The following ANKS1B variants were observed in gnomAD, a reference collection of about 807,000 sequenced individuals.
ANKS1B encodes the protein ankyrin repeat and sterile alpha motif domain containing 1B.
In ANKS1B, 36 loss-of-function variants were observed where a neutral mutation model predicts 148.3. The ratio of observed to expected loss-of-function variants is 0.24; its 90% CI spans 0.19 to 0.32. The LOEUF (loss-of-function observed/expected upper bound fraction) is 0.32, where lower values mean the gene tolerates loss of function less well. ANKS1B is among the 10% of genes least tolerant of loss of function. ANKS1B has a pLI of 1.00. For synonymous variants in ANKS1B, 542 were observed against 560.8 expected, an observed-to-expected ratio of 0.97 and a Z score of 0.47; for missense variants, 1,157 against 1,542.6, an observed-to-expected ratio of 0.75 and a Z score of 4.19.
chr12:99,975,770 TGTCA>T (rs1448141581), intron 1 of ANKS1B, among the ~76,000 whole-genome samples: 1 of 152,232 alleles, frequency 6.6e-6, no homozygotes, highest in Non-Finnish European at 1.5e-5. Context: ...GTAGGTTGTC[TGTCA>T]GTGTGGAAGG....
intron 8 of ANKS1B, among the ~76,000 whole-genome samples, chr12:99,764,028 G>A (rs2062415718): frequency 6.6e-6 from 1 of 152,106 alleles, no homozygotes; most frequent in African/African-American, 2.4e-5. Flanking sequence ...CACCCAACAG[G>A]GGAAGTTCTT....
chr12:99,333,876 A>C (rs1412055629), intron 12 of ANKS1B, among the ~76,000 whole-genome samples: 1 of 76,488 alleles, frequency 1.3e-5, no homozygotes, highest in African/African-American at 1.2e-4. Flanking sequence ...TTTTTTTTTT[A>C]ACAATGTGAG....
chr12:98,889,995 T>A (rs919157493), intron 17 of ANKS1B, among the ~76,000 whole-genome samples: 4 of 152,062 alleles, frequency 2.6e-5, no homozygotes, highest in Non-Finnish European at 2.9e-5. Context: ...ATATCTGAGA[T>A]AAGAGCAGCG....
At chr12:99,242,875 C>T (rs2089616455) in intron 14 of ANKS1B, among the ~76,000 whole-genome samples, 1 of 152,146 alleles carries the variant, frequency 6.6e-6, no homozygotes, top group African/African-American at 2.4e-5. Flanking sequence ...TTCCTCACAC[C>T]ATATACAAAA....
At chr12:98,915,363 T>A (rs1300365886) in intron 17 of ANKS1B, among the ~76,000 whole-genome samples, 4 of 151,392 alleles carry the variant, frequency 2.6e-5, no homozygotes, top group Non-Finnish European at 5.9e-5. Flanking sequence ...GAGACAGAAT[T>A]TTTTTTTAGA....
intron 26 of ANKS1B, among the ~76,000 whole-genome samples, chr12:98,749,635 C>A (rs1191068408): frequency 6.6e-6 from 1 of 151,984 alleles, no homozygotes; most frequent in Non-Finnish European, 1.5e-5. Flanking sequence ...GTGTGGGGAG[C>A]AGGTGGCATA....
chr12:99,661,094 AT>A (rs2098475370), intron 8 of ANKS1B, among the ~76,000 whole-genome samples: 1 of 152,270 alleles, frequency 6.6e-6, no homozygotes, highest in South Asian at 2.1e-4. Context: ...CCCGTTTAGT[AT>A]TAAACAGGTT....
intron 18 of ANKS1B, chr12:98,830,960 T>TTC (rs1295965194): frequency 4.3e-5 from 6 of 139,896 alleles, no homozygotes; most frequent in African/African-American, 1.3e-4. Context: ...TTTTTTTTTT[T>TTC]TTTTTGAGAT....
intron 15 of ANKS1B, among the ~76,000 whole-genome samples, chr12:99,150,176 C>A (rs2074451003): frequency 6.6e-6 from 1 of 152,104 alleles, no homozygotes; most frequent in Admixed American, 6.6e-5. Context: ...ACTGGAGGTC[C>A]ACCTACAACA....
chr12:98,812,286 C>T (rs2099102667), intron 19 of ANKS1B, among the ~76,000 whole-genome samples: 1 of 152,120 alleles, frequency 6.6e-6, no homozygotes, highest in Non-Finnish European at 1.5e-5. Flanking sequence ...CACAAATACT[C>T]ACCATTGTGT....
rs540652431 is a variant in ANKS1B at position 99,196,892 on chromosome 12, G to A, written c.2420-42497C>T. Among the ~76,000 whole-genome samples the A allele has an allele frequency of 2.6e-4, 40 of 152,218 alleles. No individual in the cohort carries two copies. The South Asian group carries it at 5.8e-3, about 22-fold the overall frequency. ...TCTTGCTTCTGTTCTCTCTTAGGTA[G>A]TTGTATCTCATAAGCAAAAGAGCTT... On this transcript the variant is annotated intron_variant, in intron 14 of 26. Transcript: ENST00000683438.
intron 9 of ANKS1B, among the ~76,000 whole-genome samples, chr12:99,628,909 G>T (rs1463744843): frequency 6.6e-6 from 1 of 152,034 alleles, no homozygotes; most frequent in African/African-American, 2.4e-5. Context: ...ATACTTAATG[G>T]GTAGGACATT....
chr12:99,000,422 C>T lies in ANKS1B; in HGVS notation c.2778+52735G>A, dbSNP rs369294809. Among the ~76,000 whole-genome samples, 116 of 152,156 alleles carry T rather than the reference C, an allele frequency of 7.6e-4. 1 individual carries two copies. Among genetic ancestry groups the T allele is most frequent in the African/African-American group, 2.7e-3 (114 of 41,516 alleles). ...TAGCTGGGATTACAGGTGCCCACCA[C>T]CATGCCTGGCTAATTTTTGTACTTT... is the stretch of plus-strand genomic sequence containing the variant. On this transcript the variant is annotated intron_variant, in intron 17 of 26. Coordinates refer to ENST00000683438, the MANE Select transcript of ANKS1B (RefSeq NM_001352186.2).
chr12:99,780,001 A>G, intron 5 of ANKS1B, 29 bp from the exon 6 acceptor site: 2 of 1,445,842 alleles, frequency 1.4e-6, no homozygotes, highest in Non-Finnish European at 1.9e-6. Flanking sequence ...CTCACTAGAT[A>G]TACACCACTG....
chr12:99,529,646 T>C (rs1207759662), intron 9 of ANKS1B, among the ~76,000 whole-genome samples: 3 of 148,008 alleles, frequency 2.0e-5, no homozygotes, highest in Non-Finnish European at 4.4e-5. Flanking sequence ...AGCAAGACTC[T>C]GTTTCCAGGA....
intron 11 of ANKS1B, among the ~76,000 whole-genome samples, chr12:99,437,926 C>T (rs2095487781): frequency 6.6e-6 from 1 of 151,928 alleles, no homozygotes; most frequent in Non-Finnish European, 1.5e-5. Flanking sequence ...TCATCTTAAG[C>T]TTCTACATTC....
At chr12:99,264,499 T>G (rs2076243975) in intron 12 of ANKS1B, among the ~76,000 whole-genome samples, 1 of 152,162 alleles carries the variant, frequency 6.6e-6, no homozygotes, top group Admixed American at 6.5e-5. Context: ...ATCTTACAGT[T>G]TTAACCCTTC....
In ANKS1B at chr12:99,130,037, CT is replaced by C. The variant is rs774212107; in HGVS notation, c.2526+24251del. ...TCAATTTTAAGAGGAACACAATAAT[CT>C]TTTTTTTTGTCTTCTGTACAGTTAT... On this transcript the variant is annotated intron_variant, in intron 15 of 26. Coordinates refer to ENST00000683438, the MANE Select transcript of ANKS1B (RefSeq NM_001352186.2). Among the ~76,000 whole-genome samples, 48 of 151,360 alleles carry C rather than the reference CT, an allele frequency of 3.2e-4. 1 individual carries two copies. In the East Asian group the frequency reaches 4.7e-3, roughly 15 times the overall value.
intron 11 of ANKS1B, among the ~76,000 whole-genome samples, chr12:99,419,866 T>G (rs1353470094): frequency 2.0e-5 from 3 of 152,186 alleles, no homozygotes; most frequent in Non-Finnish European, 2.9e-5. Context: ...ATATATGGTC[T>G]GGCTATGTTG....
Sources: gnomAD v4.1 joint callset for allele counts (sites outside exome capture counted in the v4.1 genomes callset) on GRCh38, gnomAD v4.1.1 for gene constraint, MANE v1.5 for transcripts, NCBI Gene and HGNC (gene_info 2026-07-23, HGNC 2026-07-21) for gene names.